RGS22: variants seen among roughly 807,000 people sequenced by gnomAD.
RGS22 encodes regulator of G-protein signaling 22.
Under a neutral mutation model 172.9 loss-of-function variants are expected in RGS22, and 148 were observed. The observed-to-expected ratio is 0.86, with a 90% CI of 0.75 to 0.98. RGS22 has a LOEUF of 0.98. Ranked by LOEUF, RGS22 falls within the 50% of genes least tolerant of loss-of-function variation. The probability of loss-of-function intolerance (pLI) is 0.00; values close to 1 mark genes in which losing one functional copy is unlikely to be tolerated. For missense variants in RGS22, 1,347 were observed against 1,440.8 expected (o/e 0.93, Z 1.05); for synonymous variants, 458 against 480.2 (o/e 0.95, Z 0.60).
intron 9 of RGS22, among the ~76,000 whole-genome samples, chr8:100,060,442 G>A (rs1304599503): frequency 2.3e-3 from 205 of 89,068 alleles, no homozygotes; most frequent in African/African-American, 4.7e-3. Flanking sequence ...ACACACACAC[G>A]CACCCCAACT....
intron 3 of RGS22, among the ~76,000 whole-genome samples, chr8:100,091,102 C>T (rs1198232441): frequency 1.3e-5 from 2 of 151,958 alleles, no homozygotes; most frequent in Admixed American, 1.3e-4. Context: ...GCTCATAAAC[C>T]AAACATTACT....
intron 20 of RGS22, among the ~76,000 whole-genome samples, chr8:99,994,931 G>C (rs2131292149): frequency 6.6e-6 from 1 of 152,214 alleles, no homozygotes; most frequent in South Asian, 2.1e-4. Context: ...TAGACCAATG[G>C]AACAGAACAG....
intron 23 of RGS22, among the ~76,000 whole-genome samples, chr8:99,968,656 A>C (rs966127763): frequency 6.6e-6 from 1 of 151,878 alleles, no homozygotes; most frequent in African/African-American, 2.4e-5. Context: ...AACTTAATGA[A>C]AACTCGTGAA....
At position 99,999,378 on chromosome 8, in the gene RGS22, G is replaced by C; in HGVS notation, c.2833C>G (p.Gln945Glu). 6.2e-7 allele frequency: 1 copy of C among 1,613,902 alleles called. No homozygotes were observed. Among genetic ancestry groups the C allele is most frequent in the East Asian group, 2.2e-5 (1 of 44,872 alleles). Residue 945 changes from glutamine (Q) to glutamate (E), a missense_variant, in exon 19 of 28, where the codon CAG (glutamine) becomes GAG (glutamate). Gln to Glu is a conservative substitution (Grantham distance 29). Coordinates refer to ENST00000360863, the MANE Select transcript of RGS22 (RefSeq NM_015668.5). ...TCAACTAGAACAGGTGCATCAAGCT[G>C]CTCATGAAGAATCTTCCCCCAGCCA... The part of the protein sequence containing the change: ...SGGWGKILHE[Q>E]LDAPVLVEIQ...
At chr8:100,043,804 A>AAAAC (rs2131619175) in intron 11 of RGS22, among the ~76,000 whole-genome samples, 2 of 152,112 alleles carry the variant, frequency 1.3e-5, no homozygotes, top group African/African-American at 4.8e-5. Context: ...CAAAACAAAA[A>AAAAC]AAACCACAAA....
chr8:99,965,258 A>G, intron 24 of RGS22, 77 bp downstream of exon 24: 2 of 928,648 alleles, frequency 2.2e-6, no homozygotes, highest in Admixed American at 1.8e-5. Context: ...CTAGTACTGT[A>G]CAATGACTGA....
chr8:100,081,121 AT>A (rs1811721157), intron 3 of RGS22, among the ~76,000 whole-genome samples: 1 of 152,046 alleles, frequency 6.6e-6, no homozygotes, highest in Admixed American at 6.6e-5. Context: ...TTTTCAGAAT[AT>A]TCATTTATTT....
Position 99,962,872 on chromosome 8 carries a change from A to G in RGS22, c.3709+13T>C. 6.3e-7 allele frequency: 1 copy of G among 1,588,458 alleles called. No individual in the cohort carries two copies. Among genetic ancestry groups the G allele is most frequent in the Non-Finnish European group, 8.5e-7 (1 of 1,173,636 alleles). ...ATAAAAAAGTAAACTTGTAGGCAGA[A>G]GGCAAAAATTACCTGCAAACAACTT... On this transcript the variant is annotated intron_variant, in intron 25 of 27. Coordinates refer to ENST00000360863, the MANE Select transcript of RGS22 (RefSeq NM_015668.5).
intron 3 of RGS22, among the ~76,000 whole-genome samples, chr8:100,085,293 A>T (rs1430362419): frequency 6.6e-6 from 1 of 152,204 alleles, no homozygotes; most frequent in Non-Finnish European, 1.5e-5. Context: ...TATCCTATTT[A>T]ATATATTGAG....
chr8:99,985,746 G>C (rs1813027744), intron 21 of RGS22, among the ~76,000 whole-genome samples: 1 of 152,112 alleles, frequency 6.6e-6, no homozygotes, highest in Non-Finnish European at 1.5e-5. Context: ...TGGAGACCAA[G>C]GGCAGCCTTA....
At chr8:100,083,695 C>T (rs1417631643) in intron 3 of RGS22, among the ~76,000 whole-genome samples, 1 of 151,934 alleles carries the variant, frequency 6.6e-6, no homozygotes, top group South Asian at 2.1e-4. Context: ...ACATAAAAAG[C>T]AAAACTACAG....
At chr8:100,032,281 C>T (rs1818904919) in intron 14 of RGS22, among the ~76,000 whole-genome samples, 1 of 152,088 alleles carries the variant, frequency 6.6e-6, no homozygotes, top group South Asian at 2.1e-4. Flanking sequence ...ATCTCACGTG[C>T]AGAGACACAT....
chr8:100,000,482 T>C (rs1814925351), intron 18 of RGS22, among the ~76,000 whole-genome samples: 1 of 152,204 alleles, frequency 6.6e-6, no homozygotes, highest in East Asian at 1.9e-4. Context: ...AACAATGTGA[T>C]GCAGACATCC....
At chr8:100,031,792 T>C (rs1368585489) in intron 14 of RGS22, among the ~76,000 whole-genome samples, 3 of 152,050 alleles carry the variant, frequency 2.0e-5, no homozygotes, top group East Asian at 1.9e-4. Flanking sequence ...GAAGCAAGTA[T>C]GTAATGTCAA....
At chr8:100,055,816 T>G (rs1391849254) in intron 9 of RGS22, among the ~76,000 whole-genome samples, 1 of 152,214 alleles carries the variant, frequency 6.6e-6, no homozygotes, top group Admixed American at 6.5e-5. Flanking sequence ...TGTGAGTTCA[T>G]TAAACCTCTT....
At chr8:100,006,991 G>A (rs1006188486) in intron 15 of RGS22, among the ~76,000 whole-genome samples, 1 of 151,798 alleles carries the variant, frequency 6.6e-6, no homozygotes, top group Non-Finnish European at 1.5e-5. Context: ...ATAATGACTG[G>A]AGAGAATTTT....
chr8:100,038,659 G>GA (rs1022500990), intron 14 of RGS22: 23 of 263,528 alleles, frequency 8.7e-5, no homozygotes, highest in Middle Eastern at 1.1e-3. Context: ...GTATACATTA[G>GA]AAAAAAAAGA....
intron 11 of RGS22, among the ~76,000 whole-genome samples, chr8:100,044,254 G>A (rs1029060754): frequency 5.3e-5 from 8 of 152,144 alleles, no homozygotes; most frequent in South Asian, 2.1e-4. Flanking sequence ...TTGTTTGTTC[G>A]TTTGTTTGTT....
intron 3 of RGS22, among the ~76,000 whole-genome samples, chr8:100,087,965 C>G (rs761542088): frequency 2.6e-5 from 4 of 152,068 alleles, no homozygotes; most frequent in Non-Finnish European, 5.9e-5. Context: ...CCCAGAGGTG[C>G]AAACACTGAA....
Sources: gnomAD v4.1 joint callset for allele counts (sites outside exome capture counted in the v4.1 genomes callset) on GRCh38, gnomAD v4.1.1 for gene constraint, MANE v1.5 for transcripts, NCBI Gene and HGNC (gene_info 2026-07-23, HGNC 2026-07-21) for gene names.